GOLIM4: variants seen among roughly 807,000 people sequenced by gnomAD.
GOLIM4 encodes the protein 130 kDa golgi-localized phosphoprotein.
Under a neutral mutation model 107.4 loss-of-function variants are expected in GOLIM4, and 71 were observed. The observed-to-expected ratio is 0.66, with a 90% CI of 0.55 to 0.81. The LOEUF is 0.81. Ranked by LOEUF, GOLIM4 falls within the 30% of genes least tolerant of loss-of-function variation. The probability of loss-of-function intolerance (pLI) is 0.00; values close to 1 mark genes in which losing one functional copy is unlikely to be tolerated. For synonymous variants in GOLIM4, 327 were observed against 294.8 expected, an observed-to-expected ratio of 1.11 and a Z score of -1.12; for missense variants, 830 against 826.1, an observed-to-expected ratio of 1.00 and a Z score of -0.06.
At chr3:168,037,129 T>C in intron 7 of GOLIM4, 135 bp from the exon 8 acceptor site, 1 of 539,132 alleles carries the variant, frequency 1.9e-6, no homozygotes, top group South Asian at 2.8e-5. Context: ...ATTGTTTCCA[T>C]GCATTCACTA....
chr3:168,021,921 T>C (rs1717711776), intron 14 of GOLIM4, among the ~76,000 whole-genome samples: 2 of 152,214 alleles, frequency 1.3e-5, no homozygotes, highest in Non-Finnish European at 2.9e-5. Context: ...ACGGCACTTT[T>C]TGGCAATGCC....
chr3:168,059,444 A>C (rs1303455170), intron 1 of GOLIM4, among the ~76,000 whole-genome samples: 2 of 152,326 alleles, frequency 1.3e-5, no homozygotes, highest in Non-Finnish European at 2.9e-5. Context: ...GGTTCATAAA[A>C]GTAAGTCTTG....
chr3:168,093,391 T>C (rs1221105526), intron 1 of GOLIM4, among the ~76,000 whole-genome samples: 1 of 152,216 alleles, frequency 6.6e-6, no homozygotes, highest in Non-Finnish European at 1.5e-5. Flanking sequence ...ATTCCCCTAA[T>C]GAGTGTCAGG....
chr3:168,056,478 A>T (rs1719978734), intron 1 of GOLIM4, among the ~76,000 whole-genome samples: 2 of 152,168 alleles, frequency 1.3e-5, no homozygotes, highest in Admixed American at 1.3e-4. Context: ...AGAATGGCAG[A>T]TCCACTAACA....
rs190112079 is a variant in GOLIM4, at chr3:168,009,338, T to C, written c.*931A>G. The C allele has an allele frequency of 1.4e-5, 2 of 147,656 alleles. No homozygotes were observed. Among genetic ancestry groups the C allele is most frequent in the Non-Finnish European group, 3.0e-5 (2 of 67,314 alleles). 9.1% of individuals were successfully genotyped at this position (147,656 alleles called of 1,614,324 possible). ...ATATTTATACTTATTATCAAAGTGATTGCATATTGAGGCACAGAGCTTAAA... is the reference window on the plus strand; with the variant it reads ...ATATTTATACTTATTATCAAAGTGACTGCATATTGAGGCACAGAGCTTAAA... On this transcript the variant is annotated 3_prime_UTR_variant, in exon 16 of 16. Transcript: ENST00000470487.
chr3:168,069,752 G>C (rs976248719), intron 1 of GOLIM4, among the ~76,000 whole-genome samples: 3 of 143,766 alleles, frequency 2.1e-5, no homozygotes, highest in Non-Finnish European at 4.5e-5. Flanking sequence ...AAAATATACT[G>C]CATAAGAGAA....
At chr3:168,033,118 T>G (rs1457367607) in intron 8 of GOLIM4, among the ~76,000 whole-genome samples, 1 of 152,142 alleles carries the variant, frequency 6.6e-6, no homozygotes, top group Non-Finnish European at 1.5e-5. Flanking sequence ...AAGTAACCAA[T>G]ATCTCAGAAG....
chr3:168,037,269 A>G (rs1475678271), intron 7 of GOLIM4, among the ~76,000 whole-genome samples: 1 of 152,184 alleles, frequency 6.6e-6, no homozygotes, highest in Admixed American at 6.5e-5. Flanking sequence ...TTTTGTAAAT[A>G]ACTTACTAAT....
intron 8 of GOLIM4, among the ~76,000 whole-genome samples, chr3:168,033,338 G>A (rs965726688): frequency 6.6e-6 from 1 of 151,946 alleles, no homozygotes; most frequent in Non-Finnish European, 1.5e-5. Flanking sequence ...GGGCGCGGTG[G>A]CTCACGCCTG....
intron 1 of GOLIM4, among the ~76,000 whole-genome samples, chr3:168,066,177 T>A (rs1406126290): frequency 6.7e-6 from 1 of 149,750 alleles, no homozygotes; most frequent in Non-Finnish European, 1.5e-5. Flanking sequence ...GGGCTTAAGA[T>A]CTTTTTTTTT....
chr3:168,094,727 C>A (rs1722074801), intron 1 of GOLIM4, among the ~76,000 whole-genome samples: 1 of 152,228 alleles, frequency 6.6e-6, no homozygotes, highest in African/African-American at 2.4e-5. Context: ...ATCCACGGAA[C>A]AATGCTCCTC....
At chr3:168,061,357 T>C (rs777701831) in intron 1 of GOLIM4, among the ~76,000 whole-genome samples, 21 of 152,216 alleles carry the variant, frequency 1.4e-4, no homozygotes, top group Non-Finnish European at 2.9e-4. Context: ...AAGGAACTCT[T>C]CTACTTTGCT....
At chr3:168,030,057 T>C (rs375107628) in intron 9 of GOLIM4, 21 bp from the exon 10 acceptor site, 22 of 1,611,602 alleles carry the variant, frequency 1.4e-5, no homozygotes, top group Non-Finnish European at 1.9e-5. Context: ...AAAGAGTTGG[T>C]GCAGAGCAAG....
At chr3:168,042,525 C>G (rs1037945613) in intron 5 of GOLIM4, among the ~76,000 whole-genome samples, 1 of 152,186 alleles carries the variant, frequency 6.6e-6, no homozygotes, top group African/African-American at 2.4e-5. Context: ...AAGTGATCCA[C>G]CCACCTTGGC....
At chr3:168,046,895 T>C in intron 3 of GOLIM4, 55 bp downstream of exon 3, 2 of 962,332 alleles carry the variant, frequency 2.1e-6, no homozygotes, top group Admixed American at 2.9e-5. Flanking sequence ...CTTTCAAGTT[T>C]TATGAAAACA....
intron 14 of GOLIM4, among the ~76,000 whole-genome samples, chr3:168,012,512 A>C (rs1450391676): frequency 7.0e-6 from 1 of 141,894 alleles, no homozygotes; most frequent in Non-Finnish European, 1.5e-5. Context: ...AGGCAGGCCA[A>C]CGTTCAGATT....
rs1162163783 is a variant in GOLIM4, at chr3:168,009,212, C to G, written c.*1057G>C. On this transcript the variant is annotated 3_prime_UTR_variant, in exon 16 of 16. Coordinates refer to ENST00000470487, the MANE Select transcript of GOLIM4 (RefSeq NM_014498.5). ...GCCTTACACATAGGCAAAAAGCAGA[C>G]CCAATCCCAGCAAACAGAAAAACCA... 3 of 151,736 alleles carry G rather than the reference C, an allele frequency of 2.0e-5. No homozygotes were observed. Among genetic ancestry groups the G allele is most frequent in the African/African-American group, 7.3e-5 (3 of 41,366 alleles). 9.4% of individuals were successfully genotyped at this position (151,736 alleles called of 1,614,324 possible).
rs1489976876 is a variant in GOLIM4, at chr3:168,032,694, C to T, written c.1002G>A (p.Gln334=). The change falls in exon 9 of 16, where the codon CAG becomes CAA. Residue 334 remains glutamine, a synonymous_variant. Coordinates refer to ENST00000470487, the MANE Select transcript of GOLIM4 (RefSeq NM_014498.5). ...GGGCCTTTCTGTGCTCCTCTTCCAC[C>T]TGATGCTCCTCAGGTTCTCTGCGTT... is the stretch of plus-strand genomic sequence containing the variant. ...EVERREPEEH[Q]VEEEHRKALE... The T allele has an allele frequency of 1.2e-6, 2 of 1,613,956 alleles. No homozygotes were observed. The highest frequency in any genetic ancestry group is 1.7e-6 in the Non-Finnish European group (2 of 1,180,030).
chr3:168,081,311 CAT>C (rs1933521875), intron 1 of GOLIM4, among the ~76,000 whole-genome samples: 1 of 152,196 alleles, frequency 6.6e-6, no homozygotes, highest in Admixed American at 6.5e-5. Flanking sequence ...TCCTCCAGCA[CAT>C]GTGAGACTGA....
Sources: gnomAD v4.1 joint callset for allele counts (sites outside exome capture counted in the v4.1 genomes callset) on GRCh38, gnomAD v4.1.1 for gene constraint, MANE v1.5 for transcripts, NCBI Gene and HGNC (gene_info 2026-07-23, HGNC 2026-07-21) for gene names.